Variants in CNTN6 observed in about 807,000 individuals in gnomAD.
CNTN6 encodes the protein contactin-6.
In CNTN6, 137 loss-of-function variants were observed where a neutral mutation model predicts 122.8. The observed-to-expected ratio is 1.12, with a 90% CI of 0.97 to 1.29. The LOEUF is 1.29. Among genes scored for constraint, CNTN6 ranks in the 50% most tolerant of loss-of-function variants. CNTN6 has a pLI of 0.00. For missense variants in CNTN6, 1,634 were observed against 1,223.4 expected (o/e 1.34, Z -5.01); for synonymous variants, 570 against 426.0 (o/e 1.34, Z -4.16).
intron 1 of CNTN6, among the ~76,000 whole-genome samples, chr3:1,120,613 A>C (rs2091914156): frequency 7.9e-5 from 12 of 151,892 alleles, no homozygotes; most frequent in Admixed American, 7.9e-4. Flanking sequence ...CAGCCTCTGA[A>C]GAGCAGGTAG....
intron 4 of CNTN6, among the ~76,000 whole-genome samples, chr3:1,264,518 A>C (rs775300459): frequency 3.9e-5 from 6 of 152,130 alleles, no homozygotes; most frequent in Non-Finnish European, 7.3e-5. Flanking sequence ...TTCAGCTTTG[A>C]CTGTAACCTA....
At chr3:1,101,250 C>G (rs1367830486) in intron 1 of CNTN6, among the ~76,000 whole-genome samples, 1 of 152,108 alleles carries the variant, frequency 6.6e-6, no homozygotes, top group African/African-American at 2.4e-5. Context: ...ATAAGGTCAG[C>G]TATGTAATGC....
In CNTN6 at chr3:1,112,844, C is replaced by T. The variant is rs189479753; in HGVS notation, c.-83+19724C>T. On this transcript the variant is annotated intron_variant, in intron 1 of 22. Transcript: ENST00000446702. The stretch of plus-strand genomic sequence containing the variant: ...CTCCCAGGCAGGTCACATAAATATT[C>T]AAAAGGCCATAGCATTAAGAAGTGA... Among the ~76,000 whole-genome samples, 3 of 151,998 alleles carry T rather than the reference C, an allele frequency of 2.0e-5. No individual in the cohort carries two copies. The South Asian group carries it at 6.2e-4, about 32-fold the overall frequency.
chr3:1,107,131 C>T (rs1040670515), intron 1 of CNTN6, among the ~76,000 whole-genome samples: 4 of 152,056 alleles, frequency 2.6e-5, no homozygotes, highest in Non-Finnish European at 4.4e-5. Flanking sequence ...CTCACAGACA[C>T]GTCCAAAATA....
At chr3:1,380,956 C>T (rs1691777357) in intron 17 of CNTN6, among the ~76,000 whole-genome samples, 1 of 152,096 alleles carries the variant, frequency 6.6e-6, no homozygotes, top group African/African-American at 2.4e-5. Flanking sequence ...CTTTTTCTGG[C>T]CTTGTTAAAT....
At chr3:1,250,462 G>T (rs1356913541) in intron 4 of CNTN6, among the ~76,000 whole-genome samples, 3 of 152,130 alleles carry the variant, frequency 2.0e-5, no homozygotes, top group African/African-American at 4.8e-5. Flanking sequence ...CTGGAGTGAA[G>T]AAGGTGTCTT....
At chr3:1,329,503 C>T (rs528042438) in intron 10 of CNTN6, among the ~76,000 whole-genome samples, 1 of 151,896 alleles carries the variant, frequency 6.6e-6, no homozygotes, top group East Asian at 2.0e-4. Context: ...TGAGCCTATA[C>T]TTTGCGCCAG....
At chr3:1,253,777 G>A (rs903723912) in intron 4 of CNTN6, among the ~76,000 whole-genome samples, 1 of 152,094 alleles carries the variant, frequency 6.6e-6, no homozygotes, top group Non-Finnish European at 1.5e-5. Flanking sequence ...TCTCTCACCT[G>A]CCACTCACCT....
intron 2 of CNTN6, among the ~76,000 whole-genome samples, chr3:1,202,360 G>A (rs566128962): frequency 2.0e-5 from 3 of 151,978 alleles, no homozygotes; most frequent in South Asian, 4.2e-4. Flanking sequence ...CTAACACGGT[G>A]AAACCGCGTC....
chr3:1,326,012 C>T, intron 9 of CNTN6, 61 bp downstream of exon 9: 1 of 1,445,482 alleles, frequency 6.9e-7, no homozygotes, highest in Non-Finnish European at 9.5e-7. Flanking sequence ...TTGTTACTAA[C>T]AGTACTAGTA....
intron 20 of CNTN6, 42 bp from the exon 21 acceptor site, chr3:1,401,391 G>C (rs772737829): frequency 6.7e-7 from 1 of 1,501,582 alleles, no homozygotes; most frequent in Non-Finnish European, 9.2e-7. Flanking sequence ...TTGACCATGA[G>C]CTAATTAACA....
At chr3:1,244,388 TGCCCC>T in intron 4 of CNTN6, among the ~76,000 whole-genome samples, 1 of 147,554 alleles carries the variant, frequency 6.8e-6, no homozygotes, top group Non-Finnish European at 1.5e-5. Flanking sequence ...TACTTGGCCC[TGCCCC>T]AGGAAAGCGG....
At chr3:1,300,500 A>AGG (rs1559754330) in intron 7 of CNTN6, among the ~76,000 whole-genome samples, 54 of 127,336 alleles carry the variant, frequency 4.2e-4, no homozygotes, top group African/African-American at 1.8e-3. Context: ...AGGAAAAAGA[A>AGG]AAGAAAGAGA....
chr3:1,188,289 C>G (rs969690000), intron 2 of CNTN6, among the ~76,000 whole-genome samples: 2 of 152,150 alleles, frequency 1.3e-5, no homozygotes, highest in Non-Finnish European at 2.9e-5. Context: ...CCAGAATGAA[C>G]TGAAAGAATT....
intron 20 of CNTN6, among the ~76,000 whole-genome samples, chr3:1,389,974 A>C (rs201808863): frequency 0.19 from 26,864 of 142,902 alleles, 2,734 homozygotes; most frequent in Non-Finnish European, 0.2. Context: ...GACTTTAACA[A>C]CCCACTGTCA....
intron 5 of CNTN6, among the ~76,000 whole-genome samples, chr3:1,280,368 G>A (rs1220126059): frequency 6.7e-6 from 1 of 148,522 alleles, no homozygotes; most frequent in Non-Finnish European, 1.5e-5. Context: ...ATAAAATTAA[G>A]TCACACATTT....
intron 12 of CNTN6, among the ~76,000 whole-genome samples, chr3:1,361,446 A>G (rs1707451534): frequency 6.6e-6 from 1 of 152,126 alleles, no homozygotes; most frequent in African/African-American, 2.4e-5. Context: ...GGAATAAGGT[A>G]AGGGTGCAAT....
At chr3:1,275,009 C>T (rs1692063857) in intron 4 of CNTN6, among the ~76,000 whole-genome samples, 1 of 152,170 alleles carries the variant, frequency 6.6e-6, no homozygotes, top group Non-Finnish European at 1.5e-5. Flanking sequence ...GCACCAAAAA[C>T]TTTCTCATCT....
At chr3:1,353,898 T>C (rs111370692) in intron 12 of CNTN6, among the ~76,000 whole-genome samples, 2,102 of 151,600 alleles carry the variant, frequency 0.014, 57 homozygotes, top group African/African-American at 0.048. Context: ...GCAGTAGCAA[T>C]GTAGTTTTTA....
Sources: allele counts gnomAD v4.1 joint callset (sites outside exome capture counted in the v4.1 genomes callset), GRCh38; gene constraint gnomAD v4.1.1; transcripts MANE v1.5; gene names NCBI Gene and HGNC (gene_info 2026-07-23, HGNC 2026-07-21).